Variants in THSD7A observed in about 807,000 individuals in gnomAD.
The protein encoded by THSD7A is thrombospondin type 1 domain containing 7A, also known as thrombospondin type-1 domain-containing protein 7A.
THSD7A carries 96 observed loss-of-function variants against 231.3 expected under a neutral mutation model. The observed-to-expected ratio is 0.41, with a 90% confidence interval of 0.35 to 0.49. The LOEUF is 0.49. Ranked by LOEUF, THSD7A falls within the 20% of genes least tolerant of loss-of-function variation. The pLI, the probability that THSD7A is intolerant of heterozygous loss-of-function variation, is 0.05. For missense variants in THSD7A, 2,290 were observed against 2,070.2 expected, an observed-to-expected ratio of 1.11 and a Z score of -2.06; for synonymous variants, 940 against 743.3, an observed-to-expected ratio of 1.26 and a Z score of -4.30.
In THSD7A at chr7:11,377,315, T is replaced by C. The variant is rs1244147074; in HGVS notation, c.4802-658A>G. Among the ~76,000 whole-genome samples the C allele has an allele frequency of 2.6e-5, 4 of 152,042 alleles. No homozygotes were observed. The highest frequency in any genetic ancestry group is 4.4e-5 in the Non-Finnish European group (3 of 67,968). On this transcript the variant is annotated intron_variant, in intron 26 of 27. Transcript: ENST00000423059. The surrounding 1 kb of genome is among the most constrained non-coding windows in gnomAD (Gnocchi z 4.5). ...GAATCAGACATAACAGGAACTTTTG[T>C]AATTTGGGTTTCTGGTCTCATCTTT...
intron 6 of THSD7A, among the ~76,000 whole-genome samples, chr7:11,535,415 A>G (rs936986454): frequency 6.6e-6 from 1 of 152,124 alleles, no homozygotes; most frequent in African/African-American, 2.4e-5. Context: ...CTACACACCA[A>G]CACTGAAGGA....
intron 1 of THSD7A, among the ~76,000 whole-genome samples, chr7:11,772,275 G>C (rs568562707): frequency 6.6e-6 from 1 of 152,086 alleles, no homozygotes; most frequent in South Asian, 2.1e-4. Context: ...CTGGTGGTGA[G>C]AATGTAAATT....
At chr7:11,723,850 T>C (rs1781448153) in intron 1 of THSD7A, among the ~76,000 whole-genome samples, 2 of 151,872 alleles carry the variant, frequency 1.3e-5, no homozygotes, top group South Asian at 4.1e-4. Context: ...AGATAGTAAG[T>C]AACTGGGCCA....
At chr7:11,563,615 G>A (rs1193600065) in intron 4 of THSD7A, among the ~76,000 whole-genome samples, 8 of 152,158 alleles carry the variant, frequency 5.3e-5, no homozygotes, top group Non-Finnish European at 1.2e-4. Context: ...GCCCTCCTCA[G>A]CCTTCCAAAG....
At chr7:11,812,371 C>G (rs1352080009) in intron 1 of THSD7A, among the ~76,000 whole-genome samples, 1 of 152,018 alleles carries the variant, frequency 6.6e-6, no homozygotes, top group Non-Finnish European at 1.5e-5. Flanking sequence ...TAGCTTGAAG[C>G]AGCACTTTAT....
intron 6 of THSD7A, 80 bp from the exon 7 acceptor site, chr7:11,482,062 A>G (rs1786449633): frequency 7.2e-6 from 10 of 1,390,676 alleles, no homozygotes; most frequent in South Asian, 4.5e-5. Context: ...GGGCACCCAG[A>G]TAAGTTACAT....
intron 23 of THSD7A, among the ~76,000 whole-genome samples, chr7:11,397,262 A>G (rs1163955476): frequency 1.3e-5 from 2 of 152,208 alleles, no homozygotes; most frequent in African/African-American, 4.8e-5. Context: ...ATAATAACAC[A>G]CATCTACAAC....
intron 1 of THSD7A, among the ~76,000 whole-genome samples, chr7:11,676,368 G>A (rs993732287): frequency 1.3e-5 from 2 of 152,112 alleles, no homozygotes; most frequent in South Asian, 2.1e-4. Flanking sequence ...TCCTCCAAAG[G>A]ATCACAATTC....
rs1056067044 is a variant in THSD7A at position 11,557,535 on chromosome 7, G to T, written c.1454-14418C>A. ...AAGGAGTGACTTTGATTGAAACCCA[G>T]ACATTTTTGCCTCATGTCACAAGAC... is the stretch of plus-strand genomic sequence containing the variant. On this transcript the variant is annotated intron_variant, in intron 4 of 27. Coordinates refer to ENST00000423059, the MANE Select transcript of THSD7A (RefSeq NM_015204.3). 2.0e-5 allele frequency among the ~76,000 whole-genome samples: 3 copies of T among 151,886 alleles called. No individual in the cohort carries two copies. The South Asian group carries it at 6.3e-4, about 32-fold the overall frequency.
At chr7:11,407,695 G>T (rs1783633269) in intron 19 of THSD7A, among the ~76,000 whole-genome samples, 1 of 152,148 alleles carries the variant, frequency 6.6e-6, no homozygotes, top group Non-Finnish European at 1.5e-5. Context: ...TAGAAAAGTA[G>T]ATTTAACCTC....
At chr7:11,769,135 A>ATTTTTTTTTTTTTT (rs1562541189) in intron 1 of THSD7A, among the ~76,000 whole-genome samples, 3 of 36,606 alleles carry the variant, frequency 8.2e-5, no homozygotes, top group Non-Finnish European at 1.2e-4. Context: ...ATATATATAT[A>ATTTTTTTTTTTTTT]TATATATATA....
intron 1 of THSD7A, among the ~76,000 whole-genome samples, chr7:11,689,358 T>C (rs1358932940): frequency 6.6e-6 from 1 of 151,838 alleles, no homozygotes; most frequent in Non-Finnish European, 1.5e-5. Context: ...AGAGAAGTAA[T>C]TTTTACTGGA....
chr7:11,801,490 C>T (rs1164148426), intron 1 of THSD7A, among the ~76,000 whole-genome samples: 2 of 152,042 alleles, frequency 1.3e-5, no homozygotes, highest in African/African-American at 4.8e-5. Context: ...TTAGAAAGTG[C>T]CAGAAACAAA....
intron 17 of THSD7A, among the ~76,000 whole-genome samples, chr7:11,415,990 G>C (rs957203274): frequency 3.9e-5 from 6 of 152,254 alleles, no homozygotes; most frequent in African/African-American, 1.4e-4. Context: ...GTTCTGGTTT[G>C]CGAGGCTGCC....
At chr7:11,663,456 C>T (rs1562454944) in intron 1 of THSD7A, among the ~76,000 whole-genome samples, 1 of 151,296 alleles carries the variant, frequency 6.6e-6, no homozygotes, top group Non-Finnish European at 1.5e-5. Context: ...AAAACAAAAA[C>T]AAAAACAAAA....
rs943404605 is a variant in THSD7A, at chr7:11,681,367, C to A, written c.191-44406G>T. On this transcript the variant is annotated intron_variant, in intron 1 of 27. Coordinates refer to ENST00000423059, the MANE Select transcript of THSD7A (RefSeq NM_015204.3). ...AAACCTGCACATTCTGCATATGTAT[C>A]CCAGAACTTAAAGTATAATAAAAAA... Among the ~76,000 whole-genome samples the A allele has an allele frequency of 1.1e-4, 16 of 152,002 alleles. 1 individual carries two copies. In the South Asian group the frequency reaches 2.1e-3, roughly 20 times the overall value.
In THSD7A at chr7:11,686,042, G is replaced by A. The variant is rs187919400; in HGVS notation, c.191-49081C>T. Among the ~76,000 whole-genome samples the A allele has an allele frequency of 1.1e-4, 16 of 151,782 alleles. No individual in the cohort carries two copies. In the East Asian group the frequency reaches 2.9e-3, roughly 28 times the overall value. On this transcript the variant is annotated intron_variant, in intron 1 of 27. Coordinates refer to ENST00000423059, the MANE Select transcript of THSD7A (RefSeq NM_015204.3). ...TGGAATACTATACAACCATAAAAGC[G>A]GAATCATGTCCTTTTCAGTGTTAGC...
intron 6 of THSD7A, among the ~76,000 whole-genome samples, chr7:11,521,077 A>G (rs564205845): frequency 6.6e-6 from 1 of 152,312 alleles, no homozygotes; most frequent in East Asian, 1.9e-4. Flanking sequence ...GAATTTTAAA[A>G]ACATCACCAA....
At chr7:11,574,871 A>T (rs1790820150) in intron 4 of THSD7A, among the ~76,000 whole-genome samples, 1 of 152,190 alleles carries the variant, frequency 6.6e-6, no homozygotes. Flanking sequence ...AATCGTTTAG[A>T]GGTGAGATAG....
Sources: allele counts gnomAD v4.1 joint callset (sites outside exome capture counted in the v4.1 genomes callset), GRCh38; gene constraint gnomAD v4.1.1; non-coding constraint Gnocchi (gnomAD v3.1); transcripts MANE v1.5; gene names NCBI Gene and HGNC (gene_info 2026-07-23, HGNC 2026-07-21).